ANKS1B: variants seen among roughly 807,000 people sequenced by gnomAD.
ANKS1B encodes ankyrin repeat and sterile alpha motif domain containing 1B, also known as ankyrin repeat and sterile alpha motif domain-containing protein 1B.
In ANKS1B, 36 loss-of-function variants were observed where a neutral mutation model predicts 148.3. That is an observed-to-expected ratio of 0.24 (90% CI 0.19 to 0.32). ANKS1B has a LOEUF of 0.32. Among genes scored for constraint, ANKS1B ranks in the 10% least tolerant of loss-of-function variants. The probability of loss-of-function intolerance (pLI) is 1.00; values close to 1 mark genes in which losing one functional copy is unlikely to be tolerated. For synonymous variants in ANKS1B, 542 were observed against 560.8 expected, an observed-to-expected ratio of 0.97 and a Z score of 0.47; for missense variants, 1,157 against 1,542.6, an observed-to-expected ratio of 0.75 and a Z score of 4.19.
chr12:98,759,517 G>A (rs2098348719), intron 25 of ANKS1B, among the ~76,000 whole-genome samples: 1 of 152,156 alleles, frequency 6.6e-6, no homozygotes. Flanking sequence ...GAGAAAAATT[G>A]CATCATAGAT....
intron 11 of ANKS1B, among the ~76,000 whole-genome samples, chr12:99,401,820 T>C (rs1258763250): frequency 6.8e-6 from 1 of 146,808 alleles, no homozygotes; most frequent in Admixed American, 6.8e-5. Context: ...AGAAGCATTA[T>C]ACTTAGTCAT....
chr12:98,834,018 G>T (rs17028723), intron 17 of ANKS1B, among the ~76,000 whole-genome samples: 7,371 of 152,148 alleles, frequency 0.048, 604 homozygotes, highest in African/African-American at 0.17. Flanking sequence ...GGCCTAAACT[G>T]ATGTAGATTT....
chr12:99,397,833 C>T (rs959507766), intron 12 of ANKS1B, among the ~76,000 whole-genome samples: 1 of 152,034 alleles, frequency 6.6e-6, no homozygotes, highest in African/African-American at 2.4e-5. Flanking sequence ...ACGTTGAGGA[C>T]ATCTACTTGA....
chr12:98,815,892 C>G (rs777815565), intron 19 of ANKS1B, among the ~76,000 whole-genome samples: 23 of 152,182 alleles, frequency 1.5e-4, no homozygotes, highest in Non-Finnish European at 3.2e-4. Flanking sequence ...CTTCTCAGTA[C>G]TACAGCCAAA....
intron 10 of ANKS1B, among the ~76,000 whole-genome samples, chr12:99,495,507 G>A (rs564413897): frequency 1.1e-4 from 16 of 152,242 alleles, no homozygotes; most frequent in African/African-American, 3.4e-4. Context: ...TTCAGGTACT[G>A]CTTTCCTTGA....
intron 17 of ANKS1B, among the ~76,000 whole-genome samples, chr12:98,835,747 TAGA>T (rs1394989482): frequency 2.0e-5 from 3 of 152,154 alleles, no homozygotes; most frequent in African/African-American, 7.2e-5. Context: ...GGATAGATGA[TAGA>T]TGATAGACAG....
At chr12:99,734,078 G>T (rs190680436) in intron 8 of ANKS1B, among the ~76,000 whole-genome samples, 105 of 152,166 alleles carry the variant, frequency 6.9e-4, no homozygotes, top group Non-Finnish European at 6.2e-4. Context: ...ACTCTCAGAG[G>T]CTCTGCCTCC....
chr12:99,648,434 T>C, intron 9 of ANKS1B: 1 of 1,614,230 alleles, frequency 6.2e-7, no homozygotes, highest in Non-Finnish European at 8.5e-7. Context: ...GATGTCATGC[T>C]GCTGGCCCGA....
intron 9 of ANKS1B, among the ~76,000 whole-genome samples, chr12:99,580,011 G>A (rs1332548743): frequency 6.6e-6 from 1 of 152,126 alleles, no homozygotes; most frequent in Admixed American, 6.5e-5. Flanking sequence ...TGAATACTAT[G>A]CAGCCATAAA....
Position 98,785,256 on chromosome 12 carries a change from G to T in ANKS1B, c.3343-3119C>A, listed in dbSNP as rs1422866754. 2.0e-5 allele frequency among the ~76,000 whole-genome samples: 3 copies of T among 152,274 alleles called. No homozygotes were observed. The East Asian group carries it at 5.8e-4, about 29-fold the overall frequency. ...AGGCTGAGGTGAGCAGATCACCAGA[G>T]GTCAGGAGTTTGAGACAAGCCTGGC... On this transcript the variant is annotated intron_variant, in intron 22 of 26. Transcript: ENST00000683438.
chr12:99,246,915 C>T (rs899725076), intron 12 of ANKS1B, 51 bp from the exon 13 acceptor site: 77 of 1,379,858 alleles, frequency 5.6e-5, no homozygotes, highest in Non-Finnish European at 6.9e-5. Context: ...CTGAAAGCCA[C>T]GATATAATAG....
intron 19 of ANKS1B, among the ~76,000 whole-genome samples, chr12:98,826,276 G>A (rs970428019): frequency 2.0e-5 from 3 of 152,076 alleles, no homozygotes; most frequent in Non-Finnish European, 4.4e-5. Flanking sequence ...CAAATCCCCT[G>A]TATCCCAAGA....
intron 9 of ANKS1B, among the ~76,000 whole-genome samples, chr12:99,540,738 A>C (rs1355598296): frequency 6.6e-6 from 1 of 152,110 alleles, no homozygotes; most frequent in Non-Finnish European, 1.5e-5. Flanking sequence ...GTATTAAGAA[A>C]CTAGAAAGAA....
intron 12 of ANKS1B, among the ~76,000 whole-genome samples, chr12:99,266,240 G>A (rs187150527): frequency 4.6e-4 from 70 of 152,200 alleles, no homozygotes; most frequent in African/African-American, 1.6e-3. Context: ...TCATTTTCCA[G>A]ACAAGGAGAC....
chr12:99,351,956 G>A (rs1057164885), intron 12 of ANKS1B: 1 of 151,940 alleles, frequency 6.6e-6, no homozygotes, highest in African/African-American at 2.4e-5. Flanking sequence ...ATAATTTATT[G>A]AACATAGGAG....
intron 14 of ANKS1B, among the ~76,000 whole-genome samples, chr12:99,194,402 C>T (rs1272344539): frequency 6.6e-6 from 1 of 151,678 alleles, no homozygotes; most frequent in African/African-American, 2.4e-5. Context: ...TTCTCTTACC[C>T]CTTTAGTTTA....
At chr12:99,560,533 A>G (rs1295750418) in intron 9 of ANKS1B, among the ~76,000 whole-genome samples, 2 of 152,168 alleles carry the variant, frequency 1.3e-5, no homozygotes, top group Non-Finnish European at 2.9e-5. Context: ...TTTGATCCAT[A>G]TCAATGAAGC....
At chr12:99,641,497 C>G (rs553621553) in intron 9 of ANKS1B, among the ~76,000 whole-genome samples, 1 of 152,218 alleles carries the variant, frequency 6.6e-6, no homozygotes, top group Admixed American at 6.5e-5. Context: ...GCTTACTGCT[C>G]TATGCCACAC....
intron 1 of ANKS1B, among the ~76,000 whole-genome samples, chr12:99,932,634 T>C (rs2094650970): frequency 6.6e-6 from 1 of 152,152 alleles, no homozygotes; most frequent in South Asian, 2.1e-4. Context: ...TAGATTTTTT[T>C]CCCATAGAGT....
Sources: allele counts gnomAD v4.1 joint callset (sites outside exome capture counted in the v4.1 genomes callset), GRCh38; gene constraint gnomAD v4.1.1; transcripts MANE v1.5; gene names NCBI Gene and HGNC (gene_info 2026-07-23, HGNC 2026-07-21).